The following EPG5 variants were observed in gnomAD, a reference collection of about 807,000 sequenced individuals.
The protein encoded by EPG5 is ectopic P-granules 5 autophagy tethering factor.
A neutral mutation model predicts 302.7 loss-of-function variants in EPG5; 159 were observed. That is an observed-to-expected ratio of 0.53 (90% confidence interval 0.46 to 0.60). EPG5 has a LOEUF of 0.60. Among genes scored for constraint, EPG5 ranks in the 20% least tolerant of loss-of-function variants. EPG5 has a pLI of 0.00. For missense variants in EPG5, 2,896 were observed against 3,092.4 expected (o/e 0.94, Z 1.51); for synonymous variants, 1,158 against 1,136.8 (o/e 1.02, Z -0.37).
At chr18:45,855,802 G>A in intron 42 of EPG5, 115 bp from the exon 43 acceptor site, 2 of 677,202 alleles carry the variant, frequency 3.0e-6, no homozygotes, top group South Asian at 1.8e-5. Flanking sequence ...GATCTACTGT[G>A]TTGTTCACCT....
chr18:45,924,473 A>G (rs150179328), intron 14 of EPG5, among the ~76,000 whole-genome samples: 1 of 152,360 alleles, frequency 6.6e-6, no homozygotes, highest in Non-Finnish European at 1.5e-5. Context: ...AACAGGTATC[A>G]TGCTGTCCAG....
At chr18:45,952,923 C>T (rs1454735748) in intron 2 of EPG5, among the ~76,000 whole-genome samples, 1 of 152,052 alleles carries the variant, frequency 6.6e-6, no homozygotes, top group African/African-American at 2.4e-5. Context: ...CTTGTAATCC[C>T]ACCACTTTGG....
chr18:45,849,666 T>G lies in EPG5; in HGVS notation c.*2801A>C, dbSNP rs1325057084. The G allele has an allele frequency of 6.6e-6, 1 of 152,170 alleles. No individual in the cohort carries two copies. Among genetic ancestry groups the G allele is most frequent in the African/African-American group, 2.4e-5 (1 of 41,418 alleles). The allele number at this position is 152,170 out of a possible 1,614,324, so 9.4% of individuals were successfully genotyped here. A position where few individuals can be genotyped will look rare whatever the true frequency, so the allele number is the denominator to read the frequency against. ...GTTAGGCTGGTCTATGGGTTTTCAT[T>G]TTCTGGACTAGGCTTTCCCCAACCT... On this transcript the variant is annotated 3_prime_UTR_variant, in exon 44 of 44. Transcript: ENST00000282041.
intron 27 of EPG5, among the ~76,000 whole-genome samples, chr18:45,891,491 T>C (rs372660056): frequency 1.8e-5 from 2 of 113,516 alleles, no homozygotes; most frequent in East Asian, 2.6e-4. Flanking sequence ...AGCGTGAGAC[T>C]CCGTCTCAAA....
chr18:45,860,165 C>T lies in EPG5; in HGVS notation c.6948G>A (p.Leu2316=), dbSNP rs1258289387. 1.9e-6 allele frequency: 3 copies of T among 1,614,214 alleles called. No homozygotes were observed. Among genetic ancestry groups the T allele is most frequent in the Non-Finnish European group, 8.5e-7 (1 of 1,180,042 alleles). The change falls in exon 40 of 44, where the codon CTG becomes CTA. Residue 2316 remains leucine, a synonymous_variant. Transcript: ENST00000282041. ...LPLLTAACQS[L]ASVRHMAETT... ...TCTCAGCCATGTGGCGGACGGACGC[C>T]AGGCTCTGGCAGGCTGCTGTTAAAA...
At chr18:45,962,360 A>G (rs941680053) in intron 1 of EPG5, among the ~76,000 whole-genome samples, 1 of 152,198 alleles carries the variant, frequency 6.6e-6, no homozygotes, top group Non-Finnish European at 1.5e-5. Context: ...CTCACTATTA[A>G]TAAGTTGTTG....
At chr18:45,935,894 C>G (rs1160616432) in intron 10 of EPG5, among the ~76,000 whole-genome samples, 1 of 152,222 alleles carries the variant, frequency 6.6e-6, no homozygotes, top group African/African-American at 2.4e-5. Context: ...GACCCCACAC[C>G]TCCAGGCTGG....
chr18:45,801,897 G>C, the EPG5 span, among the ~76,000 whole-genome samples: 1 of 152,190 alleles, frequency 6.6e-6, no homozygotes, highest in Non-Finnish European at 1.5e-5. Context: ...TCTCCTGAGA[G>C]GGAGGAGCAG....
intron 11 of EPG5, among the ~76,000 whole-genome samples, chr18:45,933,740 G>C (rs1403719643): frequency 6.6e-6 from 1 of 151,940 alleles, no homozygotes; most frequent in South Asian, 2.1e-4. Flanking sequence ...GCAAACAGTA[G>C]AGGCCCAATA....
chr18:45,856,014 A>C (rs766869097), intron 42 of EPG5, among the ~76,000 whole-genome samples: 11 of 152,258 alleles, frequency 7.2e-5, no homozygotes, highest in Non-Finnish European at 1.5e-4. Context: ...AGTGAAGCAT[A>C]GAGTTACCAT....
chr18:45,928,844 A>T, intron 13 of EPG5, 25 bp downstream of exon 13: 1 of 1,593,420 alleles, frequency 6.3e-7, no homozygotes, highest in Non-Finnish European at 8.5e-7. Context: ...GAAAAAACAA[A>T]AACAAACAAA....
rs1340559081 is a variant in EPG5, at chr18:45,882,371, A to C, written c.5421T>G (p.Ile1807Met). The change falls in exon 31 of 44, where the codon ATT (isoleucine) becomes ATG (methionine). Residue 1807 changes from isoleucine (I) to methionine (M), a missense_variant. Transcript: ENST00000282041. ...TACAGAAAAGATTAAATGGCATCAA[A>C]ATATCCTCATCTGGTTCAAGGCCCC... Reference protein sequence around the residue: ...TAWGLEPDEDILMPFNLFCKH... With the variant: ...TAWGLEPDEDMLMPFNLFCKH... 4 of 1,614,122 alleles carry C rather than the reference A, an allele frequency of 2.5e-6. No homozygotes were observed. The African/African-American group carries it at 5.3e-5, about 22-fold the overall frequency.
rs138026297 is a variant in EPG5 at position 45,959,324 on chromosome 18, G to A, written c.64-3986C>T. 5.2e-3 allele frequency among the ~76,000 whole-genome samples: 788 copies of A among 151,922 alleles called. 6 individuals carry two copies. Among genetic ancestry groups the A allele is most frequent in the African/African-American group, 0.018 (734 of 41,426 alleles). On this transcript the variant is annotated intron_variant, in intron 1 of 43. Transcript: ENST00000282041. ...CCACTGCATTCCAGCCTGGGTGACA[G>A]AGTCAGACTCCATCTCACAAAATAC...
At chr18:45,895,847 C>A (rs1189391853) in intron 27 of EPG5, among the ~76,000 whole-genome samples, 1 of 152,186 alleles carries the variant, frequency 6.6e-6, no homozygotes, top group African/African-American at 2.4e-5. Flanking sequence ...GTCATAAACA[C>A]TGAGAACTCA....
At chr18:45,845,987 A>G (rs889170841), downstream of EPG5, among the ~76,000 whole-genome samples, 1 of 152,172 alleles carries the variant, frequency 6.6e-6, no homozygotes, top group African/African-American at 2.4e-5. Flanking sequence ...AGTTGGCTGG[A>G]GACACCATGG....
chr18:45,951,551 T>C (rs748908153), intron 3 of EPG5, among the ~76,000 whole-genome samples: 5 of 152,042 alleles, frequency 3.3e-5, no homozygotes, highest in African/African-American at 7.2e-5. Flanking sequence ...CTCCGCTTCC[T>C]GCGTTCATGC....
At chr18:45,926,581 C>T (rs2050273327) in intron 13 of EPG5, among the ~76,000 whole-genome samples, 1 of 152,058 alleles carries the variant, frequency 6.6e-6, no homozygotes, top group African/African-American at 2.4e-5. Flanking sequence ...AATCCCAGCA[C>T]TTTGGGGGGC....
rs200214318 is a variant in EPG5 at position 45,943,274 on chromosome 18, C to T, written c.1830G>A (p.Met610Ile). 1.4e-4 allele frequency: 230 copies of T among 1,613,988 alleles called. 1 individual carries two copies. Among genetic ancestry groups the T allele is most frequent in the Admixed American group, 2.8e-4 (17 of 60,004 alleles). ...YLPETTRPQE[M>I]MKIFAFANSL... Reference sequence around the variant, plus strand: ...AGTTGGCAAAGGCAAAAATTTTCATCATCTCTTGAGGTCTTGTTGTTTCAG... The same window carrying T: ...AGTTGGCAAAGGCAAAAATTTTCATTATCTCTTGAGGTCTTGTTGTTTCAG... The change falls in exon 9 of 44, where the codon ATG becomes ATA. Residue 610 changes from methionine (M) to isoleucine (I), a missense_variant. Around this residue, in one of 5 missense-constraint regions of EPG5, gnomAD observed 1,390 missense variants for 1,430.0 expected, o/e 0.97. Transcript: ENST00000282041.
In EPG5 at chr18:45,961,839, C is replaced by A. The variant is rs1238903155; in HGVS notation, c.63+5338G>T. On this transcript the variant is annotated intron_variant, in intron 1 of 43. Transcript: ENST00000282041. ...CGCCACTGCACTCCAGCCTGGGCGA[C>A]AACAGTGAGACTCTGTCCCAAAAAA... Among the ~76,000 whole-genome samples, 12 of 138,726 alleles carry A rather than the reference C, an allele frequency of 8.7e-5. 1 individual carries two copies. Among genetic ancestry groups the A allele is most frequent in the East Asian group, 2.2e-4 (1 of 4,612 alleles). The allele number at this position is 138,726 out of a possible 152,430, so 91.0% of individuals were successfully genotyped here. A position where few individuals can be genotyped will look rare whatever the true frequency, so the allele number is the denominator to read the frequency against.
Sources: gnomAD v4.1 joint callset for allele counts (sites outside exome capture counted in the v4.1 genomes callset) on GRCh38, gnomAD v4.1.1 for gene constraint, gnomAD v4.1.1 regional missense constraint, MANE v1.5 for transcripts, NCBI Gene and HGNC (gene_info 2026-07-23, HGNC 2026-07-21) for gene names.